LSAMP: variants seen among roughly 807,000 people sequenced by gnomAD.
LSAMP encodes limbic system associated membrane protein, also known as limbic system-associated membrane protein.
LSAMP carries 7 observed loss-of-function variants against 38.6 expected under a neutral mutation model. The observed-to-expected ratio is 0.18, with a 90% CI of 0.10 to 0.34. The LOEUF is 0.34. LSAMP is among the 10% of genes least tolerant of loss of function. The pLI is 1.00. For synonymous variants in LSAMP, 154 were observed against 166.8 expected, an observed-to-expected ratio of 0.92 and a Z score of 0.59; for missense variants, 313 against 420.0, an observed-to-expected ratio of 0.75 and a Z score of 2.23.
chr3:115,884,595 A>T (rs1270094945), intron 3 of LSAMP, among the ~76,000 whole-genome samples: 1 of 152,050 alleles, frequency 6.6e-6, no homozygotes, highest in Non-Finnish European at 1.5e-5. Context: ...ACTGTATAGA[A>T]GATGACTACG....
chr3:116,306,388 T>C (rs1385088907), intron 1 of LSAMP, among the ~76,000 whole-genome samples: 1 of 152,078 alleles, frequency 6.6e-6, no homozygotes, highest in Non-Finnish European at 1.5e-5. Flanking sequence ...CAGAATATTT[T>C]ATTCATGTCT....
chr3:116,115,980 A>G (rs1279450734), intron 1 of LSAMP, among the ~76,000 whole-genome samples: 3 of 151,926 alleles, frequency 2.0e-5, no homozygotes, highest in African/African-American at 7.2e-5. Flanking sequence ...TCAGTTCAGG[A>G]AAGTTTTATT....
intron 1 of LSAMP, among the ~76,000 whole-genome samples, chr3:116,368,453 A>G (rs1374395538): frequency 6.6e-6 from 1 of 152,142 alleles, no homozygotes; most frequent in Non-Finnish European, 1.5e-5. Flanking sequence ...ATTAATATCC[A>G]TTGCTGACAG....
chr3:116,118,004 CTG>C (rs1457804453), intron 1 of LSAMP, among the ~76,000 whole-genome samples: 3 of 151,832 alleles, frequency 2.0e-5, no homozygotes, highest in Non-Finnish European at 4.4e-5. Flanking sequence ...TTACAATACT[CTG>C]TAGAGAGGGA....
intron 1 of LSAMP, among the ~76,000 whole-genome samples, chr3:116,232,615 C>G (rs1191889639): frequency 6.6e-6 from 1 of 151,938 alleles, no homozygotes; most frequent in East Asian, 1.9e-4. Flanking sequence ...AAAATCAATC[C>G]TACCTCCAGC....
intron 1 of LSAMP, among the ~76,000 whole-genome samples, chr3:116,303,579 T>A (rs1232045910): frequency 6.6e-6 from 1 of 152,196 alleles, no homozygotes; most frequent in Admixed American, 6.5e-5. Flanking sequence ...CACTGAGTTA[T>A]TCCACACTGG....
intron 3 of LSAMP, among the ~76,000 whole-genome samples, chr3:115,927,035 T>A (rs1203712993): frequency 6.6e-6 from 1 of 152,184 alleles, no homozygotes; most frequent in Non-Finnish European, 1.5e-5. Context: ...TTTGTTGAAT[T>A]AATGAGAAGA....
intron 2 of LSAMP, among the ~76,000 whole-genome samples, chr3:116,084,840 G>A (rs1227158152): frequency 6.6e-6 from 1 of 151,622 alleles, no homozygotes; most frequent in Non-Finnish European, 1.5e-5. Flanking sequence ...GAAAAATCAC[G>A]AGATAATCTG....
chr3:116,387,085 C>T (rs142626667), intron 1 of LSAMP, among the ~76,000 whole-genome samples: 234 of 152,188 alleles, frequency 1.5e-3, no homozygotes, highest in African/African-American at 5.3e-3. Context: ...ACATGGATAT[C>T]AGCCTAAGAA....
rs1276693578 is a variant in LSAMP at position 116,276,671 on chromosome 3, AAAT to A, written c.155+168203_155+168205del. ...ACCTGTACCCCAATAACCTATGGAAAAATAAAAAAAAAGAAAAAAAAAAAAAGA... is the reference window on the plus strand; with the variant it reads ...ACCTGTACCCCAATAACCTATGGAAAAAAAAAAAAGAAAAAAAAAAAAAGA... On this transcript the variant is annotated intron_variant, in intron 1 of 6. Coordinates refer to ENST00000490035, the MANE Select transcript of LSAMP (RefSeq NM_002338.5). Among the ~76,000 whole-genome samples, 470 of 143,134 alleles carry A rather than the reference AAAT, an allele frequency of 3.3e-3. 4 individuals are homozygous for A. The highest frequency in any genetic ancestry group is 0.013 in the African/African-American group (440 of 34,884). The allele number at this position is 143,134 out of a possible 152,430, so 93.9% of individuals were successfully genotyped here.
At chr3:116,379,649 A>T (rs1002672207) in intron 1 of LSAMP, among the ~76,000 whole-genome samples, 5 of 152,074 alleles carry the variant, frequency 3.3e-5, no homozygotes, top group Non-Finnish European at 7.4e-5. Context: ...ATAGTATTTA[A>T]GAATCCTTTA....
At chr3:116,014,171 G>T (rs1211484895) in intron 3 of LSAMP, among the ~76,000 whole-genome samples, 1 of 152,242 alleles carries the variant, frequency 6.6e-6, no homozygotes, top group Non-Finnish European at 1.5e-5. Flanking sequence ...TTAGGATGGG[G>T]TTATATCTGG....
chr3:115,934,914 CTG>C (rs1359820631), intron 3 of LSAMP, among the ~76,000 whole-genome samples: 2 of 152,018 alleles, frequency 1.3e-5, no homozygotes, highest in Non-Finnish European at 2.9e-5. Flanking sequence ...TTTAAAAACA[CTG>C]TGTACAAGTG....
At chr3:116,156,999 C>T (rs2107533365) in intron 1 of LSAMP, among the ~76,000 whole-genome samples, 1 of 152,196 alleles carries the variant, frequency 6.6e-6, no homozygotes. Flanking sequence ...ATTGAGTAGG[C>T]AGTCTCAGGA....
intron 1 of LSAMP, among the ~76,000 whole-genome samples, chr3:116,216,974 T>C (rs1339287549): frequency 6.6e-6 from 1 of 152,196 alleles, no homozygotes; most frequent in Admixed American, 6.5e-5. Context: ...GCACTTAAAG[T>C]GAGGCTGTTC....
intron 1 of LSAMP, among the ~76,000 whole-genome samples, chr3:116,094,784 A>G (rs1708190860): frequency 6.6e-6 from 1 of 152,176 alleles, no homozygotes; most frequent in African/African-American, 2.4e-5. Context: ...CTTGCAGCCT[A>G]TTTACTATTG....
intron 1 of LSAMP, among the ~76,000 whole-genome samples, chr3:116,380,650 G>T (rs2048546675): frequency 6.6e-6 from 1 of 151,904 alleles, no homozygotes. Context: ...ACAAAGTGGG[G>T]CTCACACTAT....
At chr3:115,866,199 C>A (rs1022060815) in intron 3 of LSAMP, among the ~76,000 whole-genome samples, 1 of 152,088 alleles carries the variant, frequency 6.6e-6, no homozygotes, top group Non-Finnish European at 1.5e-5. Flanking sequence ...TTTGTAAAGT[C>A]TCAGCTCTGT....
At chr3:115,979,707 A>G (rs1939302827) in intron 3 of LSAMP, among the ~76,000 whole-genome samples, 1 of 152,108 alleles carries the variant, frequency 6.6e-6, no homozygotes, top group African/African-American at 2.4e-5. Flanking sequence ...CCCTTGGAGT[A>G]CTATGGTTCC....
Sources: gnomAD v4.1 joint callset for allele counts (sites outside exome capture counted in the v4.1 genomes callset) on GRCh38, gnomAD v4.1.1 for gene constraint, MANE v1.5 for transcripts, NCBI Gene and HGNC (gene_info 2026-07-23, HGNC 2026-07-21) for gene names.